IMP4: variants seen among roughly 807,000 people sequenced by gnomAD.
The protein encoded by IMP4 is U3 small nucleolar ribonucleoprotein IMP4.
Under a neutral mutation model 42.7 loss-of-function variants are expected in IMP4, and 30 were observed. The ratio of observed to expected loss-of-function variants is 0.70; its 90% CI spans 0.53 to 0.95. The LOEUF (loss-of-function observed/expected upper bound fraction) is 0.95. IMP4 is among the 40% of genes least tolerant of loss of function. The pLI, the probability that IMP4 is intolerant of heterozygous loss-of-function variation, is 0.00. For missense variants in IMP4, 382 were observed against 411.4 expected (o/e 0.93, Z 0.62); for synonymous variants, 165 against 165.2 (o/e 1.00, Z 0.01).
At chr2:130,344,592 T>C (rs1156657380) in intron 2 of IMP4, 37 bp from the exon 3 acceptor site, 3 of 1,401,566 alleles carry the variant, frequency 2.1e-6, no homozygotes, top group South Asian at 2.3e-5. Context: ...GTCTCCATGC[T>C]TGTGACTCAC....
In IMP4 at chr2:130,347,627, A is replaced by T. The variant is rs990857071; in HGVS notation, c.*1159A>T. 2.0e-5 allele frequency: 3 copies of T among 152,254 alleles called. No homozygotes were observed. Among genetic ancestry groups the T allele is most frequent in the Non-Finnish European group, 4.4e-5 (3 of 68,070 alleles). The allele number at this position is 152,254 out of a possible 1,614,324, so 9.4% of individuals were successfully genotyped here. On this transcript the variant is annotated 3_prime_UTR_variant, in exon 9 of 9. Coordinates refer to ENST00000259239, the MANE Select transcript of IMP4 (RefSeq NM_033416.3). ...GGACTCTGCCCTCTTGCATAGAATT[A>T]GTGCTCTTATAAAAGATGCCCGAGG...
At chr2:130,344,567 A>T in intron 2 of IMP4, 62 bp from the exon 3 acceptor site, 1 of 1,038,710 alleles carries the variant, frequency 9.6e-7, no homozygotes, top group Admixed American at 1.7e-5. Context: ...GCTGTGGTGT[A>T]TTGGATGAGC....
rs1404115648 is a variant in IMP4, at chr2:130,345,887, A to C, written c.548A>C (p.Lys183Thr). Residue 183 changes from lysine to threonine, a missense_variant, in exon 6 of 9, where the codon AAG becomes ACG. Coordinates refer to ENST00000259239, the MANE Select transcript of IMP4 (RefSeq NM_033416.3). The surrounding 1 kb of genome is among the most constrained non-coding windows in gnomAD (Gnocchi z 4.9). ...IPDLGTMSEA[K>T]PHLITHGFSS... ...GACCTGGGCACCATGTCGGAGGCCAAGCCCCACCTCATCACACACGGCTTC... is the reference window on the plus strand; with the variant it reads ...GACCTGGGCACCATGTCGGAGGCCACGCCCCACCTCATCACACACGGCTTC... 6.2e-7 allele frequency: 1 copy of C among 1,614,050 alleles called. No individual in the cohort carries two copies. Among genetic ancestry groups the C allele is most frequent in the African/African-American group, 1.3e-5 (1 of 74,922 alleles).
rs775809902 is a variant in IMP4, at chr2:130,346,018, G to A, written c.595G>A (p.Val199Ile). ...TTCCCTCTCTTTCCTTGTGCCCCAG[G>A]TCTCTGACATCCTCCGATACCTATT... ...HGFSSRLGKR[V>I]SDILRYLFPV... Residue 199 changes from valine (V) to isoleucine (I), a missense_variant and splice_region_variant, in exon 7 of 9, where the codon GTC becomes ATC. Coordinates refer to ENST00000259239, the MANE Select transcript of IMP4 (RefSeq NM_033416.3). The A allele has an allele frequency of 1.2e-6, 2 of 1,614,184 alleles. No homozygotes were observed. Among genetic ancestry groups the A allele is most frequent in the East Asian group, 4.5e-5 (2 of 44,864 alleles).
rs776908417 is a variant in IMP4, at chr2:130,342,899, A to T, written c.-34A>T. ...TGTGTCGCGCTGGAGGAGCCCACAG[A>T]TTCTCCCGGACCCACGTGGAAGCGG... On this transcript the variant is annotated 5_prime_UTR_variant, in exon 1 of 9. Coordinates refer to ENST00000259239, the MANE Select transcript of IMP4 (RefSeq NM_033416.3). The T allele has an allele frequency of 6.2e-7, 1 of 1,613,614 alleles. No homozygotes were observed. Among genetic ancestry groups the T allele is most frequent in the South Asian group, 1.1e-5 (1 of 91,072 alleles).
Position 130,345,079 on chromosome 2 carries a change from T to C in IMP4, c.197-297T>C, listed in dbSNP as rs1679417997. On this transcript the variant is annotated intron_variant, in intron 3 of 8. Transcript: ENST00000259239. The surrounding 1 kb of genome is among the most constrained non-coding windows in gnomAD (Gnocchi z 4.9). ...ATATTTGTTACGAGGGAAAAGAGTT[T>C]GTCACCGTTGGCCTTAGCAGAGTGT... 1 of 552,516 alleles carries C rather than the reference T, an allele frequency of 1.8e-6. No homozygotes were observed. The highest frequency in any genetic ancestry group is 1.9e-5 in the African/African-American group (1 of 53,298). The allele number at this position is 552,516 out of a possible 1,614,324, so 34.2% of individuals were successfully genotyped here. A position where few individuals can be genotyped will look rare whatever the true frequency, so the allele number is the denominator to read the frequency against.
At position 130,345,461 on chromosome 2, in the gene IMP4, T is replaced by C. The variant is rs1679461020; in HGVS notation, c.282T>C (p.Ser94=). 2 of 1,614,010 alleles carry C rather than the reference T, an allele frequency of 1.2e-6. No individual in the cohort carries two copies. The highest frequency in any genetic ancestry group is 1.7e-5 in the Admixed American group (1 of 59,980). The change falls in exon 4 of 9, where the codon AGT becomes AGC. Residue 94 remains serine (S), a synonymous_variant. Coordinates refer to ENST00000259239, the MANE Select transcript of IMP4 (RefSeq NM_033416.3). This position sits in a 1 kb window ranked among gnomAD's most constrained non-coding sequence, Gnocchi z 4.9. Reference sequence around the variant, plus strand: ...TGATCACTACCTCCCGAGACCCCAGTTCCCGCCTCAAGATGTTTGCAAAGG... The same window carrying C: ...TGATCACTACCTCCCGAGACCCCAGCTCCCGCCTCAAGATGTTTGCAAAGG... The part of the protein sequence containing the change: ...KVMITTSRDP[S]SRLKMFAKEL...
chr2:130,344,393 A>G (rs905144627), intron 2 of IMP4, among the ~76,000 whole-genome samples: 1 of 152,242 alleles, frequency 6.6e-6, no homozygotes, highest in African/African-American at 2.4e-5. Flanking sequence ...GTACATTAAG[A>G]TATTTTAGAA....
In IMP4 at chr2:130,342,900, T is replaced by G. The variant is rs759692063; in HGVS notation, c.-33T>G. ...GTGTCGCGCTGGAGGAGCCCACAGA[T>G]TCTCCCGGACCCACGTGGAAGCGGC... On this transcript the variant is annotated 5_prime_UTR_variant, in exon 1 of 9. Transcript: ENST00000259239. 74 of 1,612,522 alleles carry G rather than the reference T, an allele frequency of 4.6e-5. No individual in the cohort carries two copies. Among genetic ancestry groups the G allele is most frequent in the African/African-American group, 5.3e-5 (4 of 74,864 alleles).
intron 2 of IMP4, among the ~76,000 whole-genome samples, chr2:130,343,971 C>CTT (rs1271327569): frequency 1.3e-5 from 2 of 152,322 alleles, no homozygotes; most frequent in Admixed American, 6.5e-5. Context: ...GTTTTGCTGT[C>CTT]TGAGAGCTTA....
chr2:130,345,827 C>T lies in IMP4; in HGVS notation c.488C>T (p.Thr163Met), dbSNP rs1287081161. Residue 163 changes from threonine (T) to methionine (M), a missense_variant, in exon 6 of 9, where the codon ACG becomes ATG. Thr to Met is a moderately conservative substitution (Grantham distance 81). Coordinates refer to ENST00000259239, the MANE Select transcript of IMP4 (RefSeq NM_033416.3). The surrounding 1 kb of genome is among the most constrained non-coding windows in gnomAD (Gnocchi z 4.9). ...HLPFGPTAYF[T>M]LCNVVMRHDI... ...CCCTTTGGTCCTACTGCCTACTTCACGCTGTGCAATGTGGTCATGCGGCAT... is the reference window on the plus strand; with the variant it reads ...CCCTTTGGTCCTACTGCCTACTTCATGCTGTGCAATGTGGTCATGCGGCAT... The T allele has an allele frequency of 3.1e-6, 5 of 1,614,092 alleles. No individual in the cohort carries two copies. Among genetic ancestry groups the T allele is most frequent in the Admixed American group, 1.7e-5 (1 of 60,024 alleles).
intron 2 of IMP4, 164 bp downstream of exon 2, chr2:130,343,358 C>T (rs961141050): frequency 4.2e-6 from 3 of 722,020 alleles, no homozygotes; most frequent in Non-Finnish European, 7.7e-6. Flanking sequence ...GTATTAATTA[C>T]TTGTCACTGA....
At position 130,346,761 on chromosome 2, in the gene IMP4, C is replaced by T. The variant is rs1342173938; in HGVS notation, c.*293C>T. 6 of 468,880 alleles carry T rather than the reference C, an allele frequency of 1.3e-5. No individual in the cohort carries two copies. Among genetic ancestry groups the T allele is most frequent in the Non-Finnish European group, 2.4e-5 (6 of 253,250 alleles). 29.0% of individuals were successfully genotyped at this position (468,880 alleles called of 1,614,324 possible). ...GGTTAACAGAGAGAGAGATTTGATGCTAACGTCCCCTCAAGAGTGAGGGTC... is the reference window on the plus strand; with the variant it reads ...GGTTAACAGAGAGAGAGATTTGATGTTAACGTCCCCTCAAGAGTGAGGGTC... On this transcript the variant is annotated 3_prime_UTR_variant, in exon 9 of 9. Transcript: ENST00000259239.
At chr2:130,343,013 C>G in intron 1 of IMP4, 73 bp from the exon 2 acceptor site, 1 of 1,610,226 alleles carries the variant, frequency 6.2e-7, no homozygotes, top group Non-Finnish European at 8.5e-7. Context: ...CTTGGAGGCT[C>G]AGCGGCTCCG....
At chr2:130,343,308 G>A (rs778061864) in intron 2 of IMP4, 114 bp downstream of exon 2, 1 of 776,984 alleles carries the variant, frequency 1.3e-6, no homozygotes, top group Admixed American at 2.0e-5. Flanking sequence ...TGCCCATTGG[G>A]TTCTCCTGTT....
At chr2:130,343,040 G>T (rs1679151074) in intron 1 of IMP4, 46 bp from the exon 2 acceptor site, 5 of 1,602,992 alleles carry the variant, frequency 3.1e-6, no homozygotes, top group Non-Finnish European at 4.3e-6. Context: ...CGGGGTTCCG[G>T]GGCTCGGGAG....
rs962345435 is a variant in IMP4 at position 130,346,388 on chromosome 2, G to A, written c.796G>A (p.Glu266Lys). Residue 266 changes from glutamate to lysine, a missense_variant, in exon 9 of 9, where the codon GAG (glutamate) becomes AAG (lysine). Physicochemically the swap from Glu to Lys is moderately conservative, Grantham distance 56. Transcript: ENST00000259239. ...YMIRLGTLEQEATADVEWRWH... is the reference protein window; with the variant it reads ...YMIRLGTLEQKATADVEWRWH... ...GATCCGTCTGGGCACGCTGGAGCAG[G>A]AGGCCACAGCAGACGTGGAGTGGCG... is the stretch of plus-strand genomic sequence containing the variant. 2.5e-6 allele frequency: 4 copies of A among 1,582,488 alleles called. No homozygotes were observed. The highest frequency in any genetic ancestry group is 3.4e-6 in the Non-Finnish European group (4 of 1,164,270).
rs1398239122 is a variant in IMP4, at chr2:130,346,568, C to G, written c.*100C>G. ...AACTGTCACAGAATGGCCTGCTGAA[C>G]TGGGATGTGGAACTGTGGCGGGTGG... is the stretch of plus-strand genomic sequence containing the variant. On this transcript the variant is annotated 3_prime_UTR_variant, in exon 9 of 9. Coordinates refer to ENST00000259239, the MANE Select transcript of IMP4 (RefSeq NM_033416.3). 3 of 853,110 alleles carry G rather than the reference C, an allele frequency of 3.5e-6. No individual in the cohort carries two copies. Among genetic ancestry groups the G allele is most frequent in the Non-Finnish European group, 5.7e-6 (3 of 523,360 alleles). 52.8% of individuals were successfully genotyped at this position (853,110 alleles called of 1,614,324 possible).
chr2:130,343,114 A>G lies in IMP4; in HGVS notation c.32A>G (p.Glu11Gly). 6.4e-7 allele frequency: 1 copy of G among 1,556,936 alleles called. No homozygotes were observed. The highest frequency in any genetic ancestry group is 1.2e-5 in the South Asian group (1 of 86,686). The stretch of plus-strand genomic sequence containing the variant: ...CGCCGCGAGGCCCGCCTGCGCCGCG[A>G]GTACCTGTACCGCAAGGCCCGGGAG... MLRREARLRR[E>G]YLYRKAREEA... The change falls in exon 2 of 9, where the codon GAG becomes GGG. Residue 11 changes from glutamate to glycine, a missense_variant. Transcript: ENST00000259239.
Sources: allele counts gnomAD v4.1 joint callset (sites outside exome capture counted in the v4.1 genomes callset), GRCh38; gene constraint gnomAD v4.1.1; non-coding constraint Gnocchi (gnomAD v3.1); transcripts MANE v1.5; gene names NCBI Gene and HGNC (gene_info 2026-07-23, HGNC 2026-07-21).